Variants in KIAA1549L observed in about 807,000 individuals in gnomAD.
KIAA1549L encodes the protein KIAA1549 like.
KIAA1549L carries 88 observed loss-of-function variants against 160.7 expected under a neutral mutation model. The ratio of observed to expected loss-of-function variants is 0.55; its 90% CI spans 0.46 to 0.65. The LOEUF (loss-of-function observed/expected upper bound fraction) is 0.65. Among genes scored for constraint, KIAA1549L ranks in the 30% least tolerant of loss-of-function variants. KIAA1549L has a pLI of 0.00. For missense variants in KIAA1549L, 2,258 were observed against 2,437.5 expected (o/e 0.93, Z 1.55); for synonymous variants, 950 against 976.7 (o/e 0.97, Z 0.51).
intron 1 of KIAA1549L, among the ~76,000 whole-genome samples, chr11:33,523,046 A>C (rs1360601412): frequency 1.3e-5 from 2 of 152,228 alleles, no homozygotes; most frequent in African/African-American, 4.8e-5. Context: ...AATATGACAA[A>C]AGCAGAATAA....
At position 33,657,184 on chromosome 11, in the gene KIAA1549L, G is replaced by A. The variant is rs929325832; in HGVS notation, c.5858+1075G>A. On this transcript the variant is annotated intron_variant, in intron 18 of 20. Coordinates refer to ENST00000658780, the MANE Select transcript of KIAA1549L (RefSeq NM_012194.3). ...GAAGGGAGACCCCACCCTGATGAAC[G>A]GTCACATCATACAGCCTCCACATTG... Among the ~76,000 whole-genome samples, 2 of 152,060 alleles carry A rather than the reference G, an allele frequency of 1.3e-5. 1 individual carries two copies.
In KIAA1549L at chr11:33,583,498, A is replaced by G. The variant is rs780399688; in HGVS notation, c.4563A>G (p.Ala1521=). The change falls in exon 11 of 21, where the codon GCA becomes GCG. Residue 1521 remains alanine (A), a synonymous_variant. Transcript: ENST00000658780. The part of the protein sequence containing the change: ...PDTMINLPQR[A]KPVQGFDYAK... ...CCATGATAAACCTGCCGCAGAGAGC[A>G]AAGGTATATGGAAGTGGTGGGGAGA... 4.4e-6 allele frequency: 7 copies of G among 1,573,334 alleles called. No individual in the cohort carries two copies. The highest frequency in any genetic ancestry group is 6.0e-6 in the Non-Finnish European group (7 of 1,159,254).
intron 16 of KIAA1549L, among the ~76,000 whole-genome samples, chr11:33,642,488 G>A (rs190877767): frequency 1.3e-5 from 2 of 152,170 alleles, no homozygotes; most frequent in East Asian, 1.9e-4. Flanking sequence ...CACCCCTGAC[G>A]CATGTGGCCT....
chr11:33,582,982 T>C (rs1400527953), intron 10 of KIAA1549L, among the ~76,000 whole-genome samples: 1 of 152,232 alleles, frequency 6.6e-6, no homozygotes. Context: ...AGCTTCACTT[T>C]TCTTTTGACT....
chr11:33,505,874 C>T (rs1001809762), intron 1 of KIAA1549L, among the ~76,000 whole-genome samples: 8 of 152,080 alleles, frequency 5.3e-5, no homozygotes, highest in African/African-American at 1.9e-4. Context: ...TAATGTTATA[C>T]GATAATAATC....
chr11:33,594,223 G>A (rs1850140953), intron 12 of KIAA1549L, among the ~76,000 whole-genome samples: 1 of 152,196 alleles, frequency 6.6e-6, no homozygotes, highest in African/African-American at 2.4e-5. Context: ...ATTTCAGCTT[G>A]TGTAGGAAAG....
chr11:33,567,996 C>T (rs772283500), intron 8 of KIAA1549L, 80 bp from the exon 9 acceptor site: 402 of 1,424,344 alleles, frequency 2.8e-4, no homozygotes, highest in Non-Finnish European at 3.5e-4. Flanking sequence ...GTGGCCTGTG[C>T]AGGGTCAGTG....
At chr11:33,441,620 T>C (rs1482788425) in intron 1 of KIAA1549L, among the ~76,000 whole-genome samples, 1 of 152,176 alleles carries the variant, frequency 6.6e-6, no homozygotes, top group Non-Finnish European at 1.5e-5. Context: ...TTCTAACTTG[T>C]GTGAGATGGT....
intron 1 of KIAA1549L, among the ~76,000 whole-genome samples, chr11:33,530,790 C>T (rs962067973): frequency 6.6e-6 from 1 of 152,082 alleles, no homozygotes; most frequent in African/African-American, 2.4e-5. Context: ...AATTTATAAT[C>T]AAGCTGTATT....
intron 1 of KIAA1549L, among the ~76,000 whole-genome samples, chr11:33,489,226 CAGGATTGGTTTCTGGTA>C (rs1311428949): frequency 6.6e-6 from 1 of 152,158 alleles, no homozygotes; most frequent in East Asian, 1.9e-4. Context: ...AGGGTGCCAG[CAGGATTGGTTTCTGGTA>C]AGGTCTCGCT....
At chr11:33,637,909 G>A (rs1014476384) in intron 16 of KIAA1549L, among the ~76,000 whole-genome samples, 2 of 152,116 alleles carry the variant, frequency 1.3e-5, no homozygotes, top group Non-Finnish European at 2.9e-5. Flanking sequence ...TTTTGTGGGG[G>A]ACACAGTTCA....
intron 12 of KIAA1549L, among the ~76,000 whole-genome samples, chr11:33,595,116 A>G (rs1401377701): frequency 6.6e-6 from 1 of 152,146 alleles, no homozygotes; most frequent in Non-Finnish European, 1.5e-5. Flanking sequence ...CAAGGAATCT[A>G]CTCTTGCTAA....
chr11:33,546,150 A>G (rs1854253097), intron 3 of KIAA1549L, among the ~76,000 whole-genome samples: 1 of 152,216 alleles, frequency 6.6e-6, no homozygotes, highest in Non-Finnish European at 1.5e-5. Flanking sequence ...ATTATTTGAA[A>G]GAGCATGCCA....
At position 33,593,277 on chromosome 11, in the gene KIAA1549L, T is replaced by C. The variant is rs566600247; in HGVS notation, c.4751+1856T>C. ...AGACCTCGTCTCTACAAAATAAAAT[T>C]ATATAAAAAATATTAGCCAGGTGCA... On this transcript the variant is annotated intron_variant, in intron 12 of 20. Transcript: ENST00000658780. 7.6e-4 allele frequency among the ~76,000 whole-genome samples: 116 copies of C among 152,146 alleles called. 1 individual carries two copies. The highest frequency in any genetic ancestry group is 2.7e-3 in the African/African-American group (113 of 41,502).
intron 16 of KIAA1549L, among the ~76,000 whole-genome samples, chr11:33,628,227 G>A (rs1057330555): frequency 1.3e-5 from 2 of 152,134 alleles, no homozygotes; most frequent in African/African-American, 4.8e-5. Flanking sequence ...TTTTGGAATA[G>A]GTGTGGTGTG....
Position 33,430,730 on chromosome 11 carries a change from A to G in KIAA1549L, c.238+53841A>G, listed in dbSNP as rs572139960. 6.6e-5 allele frequency among the ~76,000 whole-genome samples: 10 copies of G among 152,304 alleles called. No homozygotes were observed. In the East Asian group the frequency reaches 1.7e-3, roughly 26 times the overall value. Reference sequence around the variant, plus strand: ...CAGCCATGGTCATGTTCTAGGACCAAACTTACCTCAACCTGTCAGAAGCAG... The same window carrying G: ...CAGCCATGGTCATGTTCTAGGACCAGACTTACCTCAACCTGTCAGAAGCAG... On this transcript the variant is annotated intron_variant, in intron 1 of 20. Coordinates refer to ENST00000658780, the MANE Select transcript of KIAA1549L (RefSeq NM_012194.3).
chr11:33,651,261 A>AC (rs1227000585), intron 17 of KIAA1549L, among the ~76,000 whole-genome samples: 2 of 152,048 alleles, frequency 1.3e-5, no homozygotes, highest in Admixed American at 6.5e-5. Context: ...ACATGGTGAG[A>AC]CCCCATCTCT....
At chr11:33,497,737 T>G (rs1852853509) in intron 1 of KIAA1549L, among the ~76,000 whole-genome samples, 2 of 152,230 alleles carry the variant, frequency 1.3e-5, no homozygotes, top group Non-Finnish European at 2.9e-5. Flanking sequence ...AGTAAAAACA[T>G]TTTATATTTA....
chr11:33,386,041 T>G (rs1297491990), intron 1 of KIAA1549L, among the ~76,000 whole-genome samples: 1 of 152,260 alleles, frequency 6.6e-6, no homozygotes, highest in African/African-American at 2.4e-5. Context: ...AAGACACTTT[T>G]CATTCTTTCA....
Sources: allele counts gnomAD v4.1 joint callset (sites outside exome capture counted in the v4.1 genomes callset), GRCh38; gene constraint gnomAD v4.1.1; transcripts MANE v1.5; gene names NCBI Gene and HGNC (gene_info 2026-07-23, HGNC 2026-07-21).